LRRC4C: variants seen among roughly 807,000 people sequenced by gnomAD.
LRRC4C encodes the protein leucine rich repeat containing 4C, also known as leucine-rich repeat-containing protein 4C.
Under a neutral mutation model 33.6 loss-of-function variants are expected in LRRC4C, and 5 were observed. The observed-to-expected ratio is 0.15, with a 90% CI of 0.08 to 0.31. The LOEUF is 0.31. Among genes scored for constraint, LRRC4C ranks in the 10% least tolerant of loss-of-function variants. The pLI is 1.00. For synonymous variants in LRRC4C, 329 were observed against 302.0 expected, an observed-to-expected ratio of 1.09 and a Z score of -0.93; for missense variants, 560 against 796.7, an observed-to-expected ratio of 0.70 and a Z score of 3.58.
chr11:41,018,549 C>T (rs775684102), intron 1 of LRRC4C, among the ~76,000 whole-genome samples: 4 of 152,052 alleles, frequency 2.6e-5, no homozygotes, highest in Non-Finnish European at 4.4e-5. Context: ...TTTTATTTCT[C>T]CTTGATTATT....
chr11:40,463,305 GGTGTGTGTGTGTGT>G (rs33911904), intron 3 of LRRC4C, among the ~76,000 whole-genome samples: 40 of 144,594 alleles, frequency 2.8e-4, no homozygotes, highest in African/African-American at 8.1e-4. Flanking sequence ...ATGTGTTACT[GGTGTGTGTGTGTGT>G]GTGTGTGTGT....
intron 3 of LRRC4C, among the ~76,000 whole-genome samples, chr11:40,624,695 G>T (rs111731073): frequency 2.0e-5 from 3 of 152,166 alleles, no homozygotes; most frequent in Non-Finnish European, 4.4e-5. Context: ...AACAAGTTAT[G>T]TAAGGCTTTG....
At chr11:40,415,672 C>T (rs924808132) in intron 3 of LRRC4C, among the ~76,000 whole-genome samples, 1 of 152,132 alleles carries the variant, frequency 6.6e-6, no homozygotes, top group African/African-American at 2.4e-5. Context: ...TCTTATTTTT[C>T]TTGCTCATGT....
intron 4 of LRRC4C, among the ~76,000 whole-genome samples, chr11:40,282,167 G>A (rs573790743): frequency 8.5e-5 from 13 of 152,244 alleles, no homozygotes; most frequent in African/African-American, 3.1e-4. Flanking sequence ...TGGCCAACAT[G>A]GTGAAACCCT....
At position 41,272,334 on chromosome 11, in the gene LRRC4C, A is replaced by G. The variant is rs374790337; in HGVS notation, c.-496+187097T>C. On this transcript the variant is annotated intron_variant, in intron 1 of 6. Coordinates refer to ENST00000528697, the MANE Select transcript of LRRC4C (RefSeq NM_001258419.2). ...TTTGCTTTTCACTTGGGTAAATTTAATTAGCATTGTGGGTGTCTAAGAACT... is the reference window on the plus strand; with the variant it reads ...TTTGCTTTTCACTTGGGTAAATTTAGTTAGCATTGTGGGTGTCTAAGAACT... Among the ~76,000 whole-genome samples the G allele has an allele frequency of 4.4e-4, 67 of 152,176 alleles. 2 individuals carry two copies. The South Asian group carries it at 9.7e-3, about 22-fold the overall frequency.
At chr11:40,637,018 G>T (rs994352989) in intron 3 of LRRC4C, among the ~76,000 whole-genome samples, 1 of 152,098 alleles carries the variant, frequency 6.6e-6, no homozygotes, top group African/African-American at 2.4e-5. Context: ...CCCTGCAACT[G>T]ATTTTAGCAT....
intron 2 of LRRC4C, among the ~76,000 whole-genome samples, chr11:40,822,064 T>C (rs2135472795): frequency 6.6e-6 from 1 of 151,874 alleles, no homozygotes; most frequent in Admixed American, 6.6e-5. Flanking sequence ...TAAATTATTG[T>C]TAATTATGTT....
intron 1 of LRRC4C, among the ~76,000 whole-genome samples, chr11:41,141,398 A>C (rs1943499430): frequency 6.6e-6 from 1 of 152,128 alleles, no homozygotes; most frequent in African/African-American, 2.4e-5. Flanking sequence ...CCAACTGCTC[A>C]TTAAAAAGTT....
chr11:40,751,076 G>GAA (rs199548498), intron 2 of LRRC4C, among the ~76,000 whole-genome samples: 17 of 148,246 alleles, frequency 1.1e-4, no homozygotes, highest in Admixed American at 7.4e-4. Flanking sequence ...CTCCCTTTAT[G>GAA]AAAAAAAAGA....
chr11:41,162,051 C>A (rs1312211129), intron 1 of LRRC4C, among the ~76,000 whole-genome samples: 1 of 152,130 alleles, frequency 6.6e-6, no homozygotes, highest in Non-Finnish European at 1.5e-5. Context: ...GCCATTTATC[C>A]ACTCTGCACC....
intron 1 of LRRC4C, among the ~76,000 whole-genome samples, chr11:41,278,909 A>G (rs1429231652): frequency 6.6e-6 from 1 of 152,172 alleles, no homozygotes; most frequent in African/African-American, 2.4e-5. Flanking sequence ...CTTTTGGTGT[A>G]CTAATCATCC....
intron 3 of LRRC4C, among the ~76,000 whole-genome samples, chr11:40,622,829 T>A (rs1483016416): frequency 4.0e-5 from 6 of 151,824 alleles, no homozygotes; most frequent in African/African-American, 1.4e-4. Flanking sequence ...CTTAGCATAG[T>A]ACATAGCTAG....
intron 3 of LRRC4C, among the ~76,000 whole-genome samples, chr11:40,472,796 T>C (rs572529761): frequency 6.6e-6 from 1 of 152,034 alleles, no homozygotes; most frequent in East Asian, 1.9e-4. Context: ...CCCACAGAAA[T>C]ACAAACCACC....
At chr11:41,422,178 T>C (rs951071374) in intron 1 of LRRC4C, among the ~76,000 whole-genome samples, 2 of 152,066 alleles carry the variant, frequency 1.3e-5, no homozygotes, top group Non-Finnish European at 2.9e-5. Context: ...TTGTCATTGT[T>C]CTGCCTTTTC....
intron 1 of LRRC4C, among the ~76,000 whole-genome samples, chr11:41,083,297 A>C (rs1939714595): frequency 6.6e-6 from 1 of 152,078 alleles, no homozygotes; most frequent in South Asian, 2.1e-4. Context: ...CTAGAGAGTT[A>C]CCATATGCGA....
chr11:40,786,853 C>T (rs1950432281), intron 2 of LRRC4C, among the ~76,000 whole-genome samples: 1 of 151,944 alleles, frequency 6.6e-6, no homozygotes, highest in African/African-American at 2.4e-5. Context: ...TAACATCTCC[C>T]CCACCCCCCA....
intron 1 of LRRC4C, among the ~76,000 whole-genome samples, chr11:41,192,921 G>A (rs535465096): frequency 1.1e-4 from 17 of 152,130 alleles, no homozygotes; most frequent in African/African-American, 3.9e-4. Flanking sequence ...AAATCATAAG[G>A]GAGAAGAATA....
chr11:40,977,671 T>A (rs1383593548), intron 1 of LRRC4C, among the ~76,000 whole-genome samples: 1 of 152,204 alleles, frequency 6.6e-6, no homozygotes, highest in Non-Finnish European at 1.5e-5. Flanking sequence ...ATTCCTGTTT[T>A]AAACTCTGTC....
intron 1 of LRRC4C, among the ~76,000 whole-genome samples, chr11:40,980,041 T>C (rs1852399194): frequency 6.6e-6 from 1 of 152,182 alleles, no homozygotes; most frequent in South Asian, 2.1e-4. Context: ...CTGGTTGAAA[T>C]GAAAGGAAAG....
Sources: allele counts gnomAD v4.1 joint callset (sites outside exome capture counted in the v4.1 genomes callset), GRCh38; gene constraint gnomAD v4.1.1; transcripts MANE v1.5; gene names NCBI Gene and HGNC (gene_info 2026-07-23, HGNC 2026-07-21).